ARHGEF18: variants seen among roughly 807,000 people sequenced by gnomAD.
ARHGEF18 encodes rho guanine nucleotide exchange factor 18.
ARHGEF18 carries 93 observed loss-of-function variants against 155.7 expected under a neutral mutation model. That is an observed-to-expected ratio of 0.60 (90% confidence interval 0.50 to 0.71). The LOEUF is 0.71. Among genes scored for constraint, ARHGEF18 ranks in the 30% least tolerant of loss-of-function variants. The pLI, the probability that ARHGEF18 is intolerant of heterozygous loss-of-function variation, is 0.00. For synonymous variants in ARHGEF18, 742 were observed against 753.1 expected, an observed-to-expected ratio of 0.99 and a Z score of 0.24; for missense variants, 1,593 against 1,816.1, an observed-to-expected ratio of 0.88 and a Z score of 2.23.
Position 7,470,396 on chromosome 19 carries a change from CCCT to C in ARHGEF18, c.*103_*105del. 1.7e-6 allele frequency: 2 copies of C among 1,160,636 alleles called. No individual in the cohort carries two copies. The highest frequency in any genetic ancestry group is 1.6e-5 in the African/African-American group (1 of 62,646). 71.9% of individuals were successfully genotyped at this position (1,160,636 alleles called of 1,614,324 possible). A position where few individuals can be genotyped will look rare whatever the true frequency, so the allele number is the denominator to read the frequency against. On this transcript the variant is annotated 3_prime_UTR_variant, in exon 29 of 29. Coordinates refer to ENST00000668164, the MANE Select transcript of ARHGEF18 (RefSeq NM_001367823.1). This position sits in a 1 kb window ranked among gnomAD's most constrained non-coding sequence, Gnocchi z 5.9. ...GGGTCACCATGCCCACCCAGCTGTC[CCCT>C]CCTCTTCCCTAGCAAACCACTGATG... is the stretch of plus-strand genomic sequence containing the variant.
At chr19:7,414,576 T>C (rs11881520) in intron 10 of ARHGEF18, among the ~76,000 whole-genome samples, 83,931 of 151,684 alleles carry the variant, frequency 0.55, 23,644 homozygotes, top group Middle Eastern at 0.75. Flanking sequence ...TTTGGGAAGC[T>C]GAGGCAGGCG....
chr19:7,451,301 C>G (rs763675946), intron 16 of ARHGEF18, 35 bp downstream of exon 16: 3 of 1,587,736 alleles, frequency 1.9e-6, no homozygotes, highest in East Asian at 2.2e-5. Context: ...CCCGCCCGTG[C>G]TGCTGCAGCA....
intron 6 of ARHGEF18, 99 bp downstream of exon 6, chr19:7,378,550 A>G (rs1019468639): frequency 6.1e-6 from 6 of 979,372 alleles, no homozygotes; most frequent in African/African-American, 5.1e-5. Context: ...GTTGCTGGCC[A>G]TAAGTGACCA....
intron 1 of ARHGEF18, among the ~76,000 whole-genome samples, chr19:7,354,565 G>T (rs938460596): frequency 5.9e-5 from 9 of 152,072 alleles, no homozygotes; most frequent in African/African-American, 2.2e-4. Flanking sequence ...GCACCTGCAC[G>T]GATGAGCACT....
Position 7,444,163 on chromosome 19 carries a change from G to A in ARHGEF18, c.1361-41G>A, listed in dbSNP as rs201524197. The A allele has an allele frequency of 6.9e-6, 11 of 1,600,486 alleles. No homozygotes were observed. The highest frequency in any genetic ancestry group is 8.5e-6 in the Non-Finnish European group (10 of 1,170,892). On this transcript the variant is annotated intron_variant, in intron 13 of 28. Transcript: ENST00000668164. The surrounding 1 kb of genome is among the most constrained non-coding windows in gnomAD (Gnocchi z 4.7). ...ACCCACGACTGCCCAGCGGGGCCGTGGAGCCAGCATGGCTAAGTCCTGCCG... is the reference window on the plus strand; with the variant it reads ...ACCCACGACTGCCCAGCGGGGCCGTAGAGCCAGCATGGCTAAGTCCTGCCG...
chr19:7,354,600 C>G (rs771727484), intron 1 of ARHGEF18, among the ~76,000 whole-genome samples: 1 of 152,090 alleles, frequency 6.6e-6, no homozygotes, highest in Non-Finnish European at 1.5e-5. Context: ...CACCATACCC[C>G]ACACTTGGGT....
downstream of ARHGEF18, chr19:7,477,082 G>T (rs922817032): frequency 4.2e-6 from 4 of 957,326 alleles, no homozygotes; most frequent in Middle Eastern, 3.5e-4. Context: ...CACCCACCCT[G>T]CCCATGGGTT....
chr19:7,383,357 G>T (rs1970840722), intron 10 of ARHGEF18, 154 bp downstream of exon 10: 2 of 776,686 alleles, frequency 2.6e-6, no homozygotes, highest in African/African-American at 3.6e-5. Flanking sequence ...CCAGGGATCA[G>T]TCCCTGGGCA....
intron 3 of ARHGEF18, among the ~76,000 whole-genome samples, chr19:7,373,463 G>GTTTTTTTTTTTTT (rs534449492): frequency 2.3e-5 from 2 of 87,172 alleles, no homozygotes; most frequent in African/African-American, 2.4e-4. Context: ...TTTTGTGTTT[G>GTTTTTTTTTTTTT]TTTTTTTTTT....
chr19:7,466,327 G>A (rs188660065), intron 23 of ARHGEF18, among the ~76,000 whole-genome samples: 4 of 146,188 alleles, frequency 2.7e-5, no homozygotes, highest in East Asian at 2.0e-4. Flanking sequence ...TGGTTTCAGT[G>A]AGCTGAGATC....
intron 10 of ARHGEF18, among the ~76,000 whole-genome samples, chr19:7,417,028 G>A (rs1042229896): frequency 2.0e-5 from 3 of 152,146 alleles, no homozygotes; most frequent in Non-Finnish European, 2.9e-5. Flanking sequence ...TCCTGCCTCA[G>A]CCTCCCAAGT....
chr19:7,401,727 G>A (rs1236308919), intron 10 of ARHGEF18, among the ~76,000 whole-genome samples: 1 of 152,184 alleles, frequency 6.6e-6, no homozygotes, highest in Non-Finnish European at 1.5e-5. Flanking sequence ...CTGTTCCTCT[G>A]TAGGTTCCTA....
Position 7,375,890 on chromosome 19 carries a change from A to C in ARHGEF18, c.426+20A>C. The C allele has an allele frequency of 8.1e-7, 1 of 1,234,298 alleles. No individual in the cohort carries two copies. The allele number at this position is 1,234,298 out of a possible 1,614,324, so 76.5% of individuals were successfully genotyped here. A position where few individuals can be genotyped will look rare whatever the true frequency, so the allele number is the denominator to read the frequency against. ...GGCAAGGTGGGTATAACCTGCAGCC[A>C]CCCCTGACAATAGCACACTTTTGGG... On this transcript the variant is annotated intron_variant, in intron 4 of 28. Coordinates refer to ENST00000668164, the MANE Select transcript of ARHGEF18 (RefSeq NM_001367823.1).
intron 16 of ARHGEF18, 46 bp from the exon 17 acceptor site, chr19:7,453,421 G>T (rs1205560656): frequency 6.5e-7 from 1 of 1,546,898 alleles, no homozygotes. Flanking sequence ...CACTTCTGTT[G>T]TGTTAAAGTG....
chr19:7,460,861 T>G (rs930407709), intron 20 of ARHGEF18, among the ~76,000 whole-genome samples: 2 of 151,810 alleles, frequency 1.3e-5, no homozygotes, highest in African/African-American at 4.8e-5. Context: ...TGATCTCGGC[T>G]TACTGCAAGC....
Position 7,472,244 on chromosome 19 carries a change from C to T in ARHGEF18, c.*1946C>T, listed in dbSNP as rs1308811661. ...GCGGCAGCGCCGACAGCCCTTCCCT[C>T]GCCAGTGCCCCTCGGCCACTCCTGG... On this transcript the variant is annotated 3_prime_UTR_variant, in exon 29 of 29. Transcript: ENST00000668164. The T allele has an allele frequency of 2.0e-5, 3 of 152,364 alleles. No individual in the cohort carries two copies. The highest frequency in any genetic ancestry group is 3.8e-4 in the East Asian group (2 of 5,202). The allele number at this position is 152,364 out of a possible 1,614,324, so 9.4% of individuals were successfully genotyped here.
chr19:7,451,048 T>G, intron 15 of ARHGEF18, 101 bp from the exon 16 acceptor site: 1 of 1,079,114 alleles, frequency 9.3e-7, no homozygotes, highest in Non-Finnish European at 1.4e-6. Context: ...ATTTCCGAGA[T>G]GTTAATGCGG....
intron 10 of ARHGEF18, among the ~76,000 whole-genome samples, chr19:7,424,787 A>G (rs1008577848): frequency 1.3e-5 from 2 of 152,074 alleles, no homozygotes; most frequent in African/African-American, 4.8e-5. Context: ...CGAGTTCAGG[A>G]GATCGGGACC....
intron 10 of ARHGEF18, among the ~76,000 whole-genome samples, chr19:7,437,631 T>C (rs2145754540): frequency 6.8e-6 from 1 of 146,514 alleles, no homozygotes; most frequent in Non-Finnish European, 1.5e-5. Flanking sequence ...ACAGGACAGA[T>C]CAGATTTCTT....
Sources: allele counts gnomAD v4.1 joint callset (sites outside exome capture counted in the v4.1 genomes callset), GRCh38; gene constraint gnomAD v4.1.1; non-coding constraint Gnocchi (gnomAD v3.1); transcripts MANE v1.5; gene names NCBI Gene and HGNC (gene_info 2026-07-23, HGNC 2026-07-21).